The following CNTN1 variants were observed in gnomAD, a reference collection of about 807,000 sequenced individuals.
CNTN1 encodes contactin 1, also known as contactin-1.
CNTN1 carries 38 observed loss-of-function variants against 126.4 expected under a neutral mutation model. The observed-to-expected ratio is 0.30, with a 90% CI of 0.23 to 0.39. The LOEUF is 0.39. CNTN1 is among the 10% of genes least tolerant of loss of function. The probability of loss-of-function intolerance (pLI) is 1.00; values close to 1 mark genes in which losing one functional copy is unlikely to be tolerated. For missense variants in CNTN1, 1,009 were observed against 1,248.4 expected (o/e 0.81, Z 2.89); for synonymous variants, 413 against 422.6 (o/e 0.98, Z 0.28).
chr12:40,813,045 T>C (rs1403595827), intron 1 of CNTN1, among the ~76,000 whole-genome samples: 8 of 120,442 alleles, frequency 6.6e-5, no homozygotes, highest in African/African-American at 2.9e-4. Context: ...TTTCCTTTCT[T>C]TCTTTCTTTC....
At chr12:40,936,465 A>T (rs547723125) in intron 9 of CNTN1, among the ~76,000 whole-genome samples, 4 of 152,280 alleles carry the variant, frequency 2.6e-5, no homozygotes, top group African/African-American at 9.6e-5. Context: ...TATCATTTTG[A>T]CAGACTTGAA....
intron 1 of CNTN1, among the ~76,000 whole-genome samples, chr12:40,771,666 G>A (rs1177612033): frequency 6.6e-6 from 1 of 151,874 alleles, no homozygotes; most frequent in Non-Finnish European, 1.5e-5. Flanking sequence ...AAGCACAATA[G>A]GCACCTATAA....
intron 9 of CNTN1, among the ~76,000 whole-genome samples, chr12:40,936,024 A>G (rs1344214342): frequency 6.6e-6 from 1 of 152,010 alleles, no homozygotes; most frequent in African/African-American, 2.4e-5. Context: ...TTTTGTATTA[A>G]TTTATTTATC....
chr12:40,917,065 G>GTGGA (rs202149741), intron 3 of CNTN1, among the ~76,000 whole-genome samples: 1 of 128,100 alleles, frequency 7.8e-6, no homozygotes, highest in Non-Finnish European at 1.7e-5. Context: ...TGGGGGCGGG[G>GTGGA]GGGGGGGCAG....
At chr12:40,740,192 T>C (rs1272935728) in intron 1 of CNTN1, among the ~76,000 whole-genome samples, 1 of 151,946 alleles carries the variant, frequency 6.6e-6, no homozygotes, top group Non-Finnish European at 1.5e-5. Flanking sequence ...AACAGAGGAG[T>C]ATGTAAATAA....
At chr12:40,867,880 T>TTTATTA (rs138493484) in intron 1 of CNTN1, among the ~76,000 whole-genome samples, 530 of 148,230 alleles carry the variant, frequency 3.6e-3, no homozygotes, top group Middle Eastern at 7.0e-3. Context: ...GCTTTCTGAG[T>TTTATTA]TTATTATTAT....
intron 16 of CNTN1, among the ~76,000 whole-genome samples, chr12:40,986,302 G>C (rs1023168884): frequency 6.6e-6 from 1 of 152,100 alleles, no homozygotes; most frequent in African/African-American, 2.4e-5. Flanking sequence ...TCCAAACATT[G>C]TGTATAGAAG....
intron 1 of CNTN1, among the ~76,000 whole-genome samples, chr12:40,741,871 T>C (rs542233898): frequency 1.2e-4 from 18 of 152,066 alleles, no homozygotes; most frequent in Non-Finnish European, 2.2e-4. Flanking sequence ...GAATTCATAA[T>C]GTATTATCAT....
rs1947803865 is a variant in CNTN1 at position 40,980,942 on chromosome 12, A to C, written c.1838A>C (p.Glu613Ala). 6.2e-7 allele frequency: 1 copy of C among 1,613,886 alleles called. No homozygotes were observed. The highest frequency in any genetic ancestry group is 8.5e-7 in the Non-Finnish European group (1 of 1,179,932). ...PPGPPGGLRI[E>A]DIRATSVALT... Reference sequence around the variant, plus strand: ...GGCCCTCCAGGTGGTCTGAGAATAGAAGACATTAGAGCCACTTCTGTGGCA... The same window carrying C: ...GGCCCTCCAGGTGGTCTGAGAATAGCAGACATTAGAGCCACTTCTGTGGCA... The change falls in exon 16 of 24, where the codon GAA becomes GCA. Residue 613 changes from glutamate (E) to alanine (A), a missense_variant. Transcript: ENST00000551295.
At chr12:40,949,144 GT>G (rs1946551324) in intron 14 of CNTN1, among the ~76,000 whole-genome samples, 1 of 149,172 alleles carries the variant, frequency 6.7e-6, no homozygotes, top group Non-Finnish European at 1.5e-5. Flanking sequence ...CAGAAATTTT[GT>G]TTCTGCAAGA....
At chr12:40,903,861 C>A (rs755287191) in intron 1 of CNTN1, among the ~76,000 whole-genome samples, 5 of 152,096 alleles carry the variant, frequency 3.3e-5, no homozygotes, top group African/African-American at 9.7e-5. Context: ...AACTGGAAAA[C>A]AGACTTCCAG....
At chr12:40,933,352 G>T in intron 7 of CNTN1, 109 bp from the exon 8 acceptor site, 1 of 814,046 alleles carries the variant, frequency 1.2e-6, no homozygotes, top group Non-Finnish European at 2.2e-6. Context: ...CCTGTACAGA[G>T]AAAAGCTTCC....
intron 1 of CNTN1, among the ~76,000 whole-genome samples, chr12:40,876,810 A>G (rs918520971): frequency 1.3e-5 from 2 of 151,946 alleles, no homozygotes; most frequent in African/African-American, 4.8e-5. Context: ...GACAAATACT[A>G]TTTTCCTTTT....
In CNTN1 at chr12:41,056,917, T is replaced by TTTAGATATTTATAAATATTATA. The variant is rs1555205942; in HGVS notation, c.2981-13042_2981-13041insTTAGATATTTATAAATATTATA. ...ATATTTAGATATTTATAAATATTTA[T>TTTAGATATTTATAAATATTATA]AATATTTAGATATTTATAAATATTT... On this transcript the variant is annotated intron_variant, in intron 23 of 23. Coordinates refer to ENST00000551295, the MANE Select transcript of CNTN1 (RefSeq NM_001843.4). Among the ~76,000 whole-genome samples the TTTAGATATTTATAAATATTATA allele has an allele frequency of 8.5e-3, 593 of 69,952 alleles. 29 individuals carry two copies. Among genetic ancestry groups the TTTAGATATTTATAAATATTATA allele is most frequent in the Middle Eastern group, 0.015 (2 of 136 alleles). The allele number at this position is 69,952 out of a possible 152,430, so 45.9% of individuals were successfully genotyped here. A position where few individuals can be genotyped will look rare whatever the true frequency, so the allele number is the denominator to read the frequency against.
At chr12:40,931,217 A>G (rs980984322) in intron 7 of CNTN1, among the ~76,000 whole-genome samples, 1 of 151,850 alleles carries the variant, frequency 6.6e-6, no homozygotes, top group African/African-American at 2.4e-5. Flanking sequence ...ATGAATTCCT[A>G]TTTGCTAAAT....
At chr12:40,970,013 G>A (rs901328565) in intron 15 of CNTN1, among the ~76,000 whole-genome samples, 8 of 152,104 alleles carry the variant, frequency 5.3e-5, no homozygotes, top group Non-Finnish European at 1.0e-4. Context: ...ATGAGAGCTT[G>A]ACCCCGCCCC....
rs576130374 is a variant in CNTN1 at position 40,910,054 on chromosome 12, T to A, written c.62-19T>A. 6.3e-7 allele frequency: 1 copy of A among 1,592,506 alleles called. No homozygotes were observed. The highest frequency in any genetic ancestry group is 1.3e-5 in the African/African-American group (1 of 74,606). On this transcript the variant is annotated intron_variant, in intron 2 of 23. Coordinates refer to ENST00000551295, the MANE Select transcript of CNTN1 (RefSeq NM_001843.4). ...AATAATTGCTTCAGGATCAAAATTGTTTTTTCTTTCATTTTTAGAGTTTAC... is the reference window on the plus strand; with the variant it reads ...AATAATTGCTTCAGGATCAAAATTGATTTTTCTTTCATTTTTAGAGTTTAC...
chr12:40,852,655 T>C (rs977921932), intron 1 of CNTN1, among the ~76,000 whole-genome samples: 2 of 152,090 alleles, frequency 1.3e-5, no homozygotes, highest in Non-Finnish European at 2.9e-5. Flanking sequence ...GCTGATGTCA[T>C]AGAAATGAGG....
chr12:40,705,541 T>A (rs544181705), intron 1 of CNTN1, among the ~76,000 whole-genome samples: 10 of 152,306 alleles, frequency 6.6e-5, no homozygotes, highest in Admixed American at 2.0e-4. Flanking sequence ...CTCTTTTTTT[T>A]TTATTATACT....
Sources: gnomAD v4.1 joint callset for allele counts (sites outside exome capture counted in the v4.1 genomes callset) on GRCh38, gnomAD v4.1.1 for gene constraint, MANE v1.5 for transcripts, NCBI Gene and HGNC (gene_info 2026-07-23, HGNC 2026-07-21) for gene names.